Variants in RBFOX1 observed in about 807,000 individuals in gnomAD.
The protein encoded by RBFOX1 is RNA binding fox-1 homolog 1, also known as RNA binding protein fox-1 homolog 1.
RBFOX1 carries 8 observed loss-of-function variants against 57.7 expected under a neutral mutation model. That is an observed-to-expected ratio of 0.14 (90% CI 0.08 to 0.25). The LOEUF is 0.25. RBFOX1 is among the 10% of genes least tolerant of loss of function. The pLI, the probability that RBFOX1 is intolerant of heterozygous loss-of-function variation, is 1.00. For synonymous variants in RBFOX1, 326 were observed against 222.4 expected (o/e 1.47, Z -4.15); for missense variants, 611 against 548.5 (o/e 1.11, Z -1.14).
At chr16:6,979,786 G>C (rs1354569939) in intron 3 of RBFOX1, among the ~76,000 whole-genome samples, 1 of 152,162 alleles carries the variant, frequency 6.6e-6, no homozygotes, top group African/African-American at 2.4e-5. Context: ...ATCTCAGTGG[G>C]TATTCCACCC....
At chr16:7,139,246 T>TC (rs1013837761) in intron 4 of RBFOX1, among the ~76,000 whole-genome samples, 8 of 151,474 alleles carry the variant, frequency 5.3e-5, no homozygotes, top group African/African-American at 1.9e-4. Context: ...TCTCTTCTCT[T>TC]TCTTTTTCTA....
At chr16:5,928,165 C>G (rs570327888) in intron 4 of RBFOX1, among the ~76,000 whole-genome samples, 97 of 152,194 alleles carry the variant, frequency 6.4e-4, no homozygotes, top group Non-Finnish European at 5.9e-5. Context: ...GTGATCACAG[C>G]TCACTGTAGC....
intron 4 of RBFOX1, among the ~76,000 whole-genome samples, chr16:7,420,813 G>T (rs896131836): frequency 6.7e-6 from 1 of 149,306 alleles, no homozygotes; most frequent in Non-Finnish European, 1.5e-5. Flanking sequence ...CTGTGGTACT[G>T]AGTACTTTAA....
intron 2 of RBFOX1, among the ~76,000 whole-genome samples, chr16:5,507,007 T>C (rs2043402844): frequency 6.6e-6 from 1 of 152,180 alleles, no homozygotes; most frequent in African/African-American, 2.4e-5. Context: ...CTCTACCTTT[T>C]TGTTTTCTTC....
chr16:5,907,912 A>C (rs141163660), intron 4 of RBFOX1, among the ~76,000 whole-genome samples: 1 of 151,622 alleles, frequency 6.6e-6, no homozygotes, highest in Non-Finnish European at 1.5e-5. Context: ...CACCATGCCC[A>C]GCTAATTTTT....
chr16:6,931,637 C>T (rs2076579677), intron 3 of RBFOX1, among the ~76,000 whole-genome samples: 1 of 152,154 alleles, frequency 6.6e-6, no homozygotes. Context: ...TTGCCAGCTT[C>T]TATCCCTATT....
At chr16:6,810,823 A>G (rs1461087368) in intron 3 of RBFOX1, among the ~76,000 whole-genome samples, 1 of 152,160 alleles carries the variant, frequency 6.6e-6, no homozygotes, top group Non-Finnish European at 1.5e-5. Context: ...TCAGGAGAAC[A>G]GTGTGCCGGG....
At chr16:5,360,684 T>G (rs1442819879) in intron 1 of RBFOX1, among the ~76,000 whole-genome samples, 1 of 152,146 alleles carries the variant, frequency 6.6e-6, no homozygotes, top group Non-Finnish European at 1.5e-5. Context: ...GGGCTTATTG[T>G]AAGGACGTAG....
At chr16:7,376,155 C>G (rs930216882) in intron 4 of RBFOX1, among the ~76,000 whole-genome samples, 1 of 152,100 alleles carries the variant, frequency 6.6e-6, no homozygotes, top group African/African-American at 2.4e-5. Context: ...GGGATGATTG[C>G]ATTTTTGGAA....
intron 4 of RBFOX1, among the ~76,000 whole-genome samples, chr16:7,095,700 C>A (rs1599355674): frequency 6.6e-6 from 1 of 152,196 alleles, no homozygotes; most frequent in South Asian, 2.1e-4. Flanking sequence ...CGATAAGTAG[C>A]AATTTGTTTT....
At chr16:5,723,432 G>C (rs978396745) in intron 3 of RBFOX1, among the ~76,000 whole-genome samples, 4 of 87,332 alleles carry the variant, frequency 4.6e-5, no homozygotes, top group African/African-American at 1.0e-4. Flanking sequence ...TCTGAGGTCT[G>C]ATTTTGAGAC....
At chr16:5,841,476 C>CA (rs1434632838) in intron 3 of RBFOX1, among the ~76,000 whole-genome samples, 9 of 152,150 alleles carry the variant, frequency 5.9e-5, no homozygotes, top group Non-Finnish European at 1.2e-4. Context: ...GTCCCTCCCA[C>CA]AAAAAATTGC....
intron 5 of RBFOX1, among the ~76,000 whole-genome samples, chr16:7,552,537 G>A (rs928063280): frequency 1.3e-5 from 2 of 152,168 alleles, no homozygotes; most frequent in African/African-American, 4.8e-5. Flanking sequence ...TTTCTAAGGC[G>A]AGATCTGAAC....
At chr16:6,340,626 C>T (rs906624238) in intron 2 of RBFOX1, among the ~76,000 whole-genome samples, 1 of 152,156 alleles carries the variant, frequency 6.6e-6, no homozygotes, top group Admixed American at 6.5e-5. Flanking sequence ...GGGAGTGTAG[C>T]AGTGAGGACA....
At chr16:7,572,686 A>G (rs955593076) in intron 5 of RBFOX1, among the ~76,000 whole-genome samples, 1 of 152,068 alleles carries the variant, frequency 6.6e-6, no homozygotes, top group African/African-American at 2.4e-5. Flanking sequence ...AAAAATACAA[A>G]AAATTAGCTG....
At chr16:6,506,622 T>A (rs2096099309) in intron 2 of RBFOX1, among the ~76,000 whole-genome samples, 1 of 133,218 alleles carries the variant, frequency 7.5e-6, no homozygotes. Context: ...TCACAGTAGC[T>A]AATTTTTTTT....
At chr16:6,708,857 T>G (rs1238522306) in intron 3 of RBFOX1, among the ~76,000 whole-genome samples, 1 of 152,204 alleles carries the variant, frequency 6.6e-6, no homozygotes, top group African/African-American at 2.4e-5. Flanking sequence ...TGTAATTATT[T>G]CAGGCACCAG....
At chr16:5,369,544 C>G (rs2065807962) in intron 1 of RBFOX1, among the ~76,000 whole-genome samples, 1 of 152,266 alleles carries the variant, frequency 6.6e-6, no homozygotes, top group Admixed American at 6.5e-5. Context: ...TATCCTCCCA[C>G]TTTACAGTGA....
intron 1 of RBFOX1, among the ~76,000 whole-genome samples, chr16:5,424,582 C>T (rs1446902952): frequency 6.6e-6 from 1 of 151,008 alleles, no homozygotes; most frequent in Non-Finnish European, 1.5e-5. Flanking sequence ...GGGCTTAATA[C>T]CTAGGTGATG....
Sources: gnomAD v4.1 joint callset for allele counts (sites outside exome capture counted in the v4.1 genomes callset) on GRCh38, gnomAD v4.1.1 for gene constraint, MANE v1.5 for transcripts, NCBI Gene and HGNC (gene_info 2026-07-23, HGNC 2026-07-21) for gene names.